CNTN3: variants seen among roughly 807,000 people sequenced by gnomAD.
CNTN3 encodes contactin 3, also known as contactin-3.
In CNTN3, 60 loss-of-function variants were observed where a neutral mutation model predicts 119.1. The ratio of observed to expected loss-of-function variants is 0.50; its 90% CI spans 0.41 to 0.62. The LOEUF (loss-of-function observed/expected upper bound fraction) is 0.62, where lower values mean the gene tolerates loss of function less well. Ranked by LOEUF, CNTN3 falls within the 20% of genes least tolerant of loss-of-function variation. The pLI is 0.00. For missense variants in CNTN3, 1,101 were observed against 1,242.4 expected (o/e 0.89, Z 1.71); for synonymous variants, 450 against 438.7 (o/e 1.03, Z -0.32).
intron 5 of CNTN3, 77 bp from the exon 6 acceptor site, chr3:74,371,476 CA>C (rs1473874293): frequency 9.5e-7 from 1 of 1,052,226 alleles, no homozygotes; most frequent in Non-Finnish European, 1.4e-6. Context: ...TGTATCTATA[CA>C]AACATCAACT....
At chr3:74,377,891 A>C (rs1398374870) in intron 5 of CNTN3, among the ~76,000 whole-genome samples, 1 of 152,222 alleles carries the variant, frequency 6.6e-6, no homozygotes, top group African/African-American at 2.4e-5. Context: ...TAATACATAT[A>C]ATACTGACAT....
intron 1 of CNTN3, among the ~76,000 whole-genome samples, chr3:74,532,821 G>A (rs1214307882): frequency 6.6e-6 from 1 of 151,926 alleles, no homozygotes; most frequent in African/African-American, 2.4e-5. Flanking sequence ...AGATAAGGGG[G>A]GACTACTGTA....
chr3:74,416,667 G>C (rs1289155548), intron 5 of CNTN3, among the ~76,000 whole-genome samples: 1 of 152,056 alleles, frequency 6.6e-6, no homozygotes, highest in African/African-American at 2.4e-5. Flanking sequence ...TATAATGTTT[G>C]TGAGCACAGG....
At chr3:74,584,677 CTA>C (rs1704565347) in intron 1 of CNTN3, among the ~76,000 whole-genome samples, 1 of 152,170 alleles carries the variant, frequency 6.6e-6, no homozygotes, top group African/African-American at 2.4e-5. Flanking sequence ...CAAAAACAGA[CTA>C]AGACATCTTG....
chr3:74,371,127 C>G lies in CNTN3; in HGVS notation c.658+69G>C, dbSNP rs1704327566. Reference sequence around the variant, plus strand: ...CTTCTAGATGTACTTTTTACATTTTCCCAATTGCTTTTGTTTGCAGCCTCA... The same window carrying G: ...CTTCTAGATGTACTTTTTACATTTTGCCAATTGCTTTTGTTTGCAGCCTCA... On this transcript the variant is annotated intron_variant, in intron 6 of 22. Coordinates refer to ENST00000263665, the MANE Select transcript of CNTN3 (RefSeq NM_020872.3). 7 of 1,104,822 alleles carry G rather than the reference C, an allele frequency of 6.3e-6. 1 individual carries two copies. In the Middle Eastern group the frequency reaches 1.4e-3, roughly 221 times the overall value. 68.4% of individuals were successfully genotyped at this position (1,104,822 alleles called of 1,614,324 possible).
At chr3:74,336,363 A>C (rs1371063002) in intron 12 of CNTN3, among the ~76,000 whole-genome samples, 168 bp downstream of exon 12, 1 of 152,164 alleles carries the variant, frequency 6.6e-6, no homozygotes, top group African/African-American at 2.4e-5. Context: ...TGCTGTGCTA[A>C]GGAAATATTG....
At chr3:74,426,205 C>G (rs571387328) in intron 4 of CNTN3, among the ~76,000 whole-genome samples, 1 of 151,868 alleles carries the variant, frequency 6.6e-6, no homozygotes, top group African/African-American at 2.4e-5. Context: ...TCTTTAAACT[C>G]TGACTTATAA....
intron 20 of CNTN3, among the ~76,000 whole-genome samples, chr3:74,276,599 C>T (rs895041426): frequency 2.0e-5 from 3 of 150,522 alleles, no homozygotes; most frequent in Non-Finnish European, 1.5e-5. Flanking sequence ...AATACTGACA[C>T]AACCTATCAA....
At chr3:74,450,102 A>G (rs73841850) in intron 4 of CNTN3, among the ~76,000 whole-genome samples, 1,830 of 152,232 alleles carry the variant, frequency 0.012, 37 homozygotes, top group African/African-American at 0.042. Flanking sequence ...TGAAAATGAA[A>G]TGAATTAAGT....
At chr3:74,415,443 G>A (rs560143912) in intron 5 of CNTN3, among the ~76,000 whole-genome samples, 3 of 152,132 alleles carry the variant, frequency 2.0e-5, no homozygotes, top group Non-Finnish European at 2.9e-5. Flanking sequence ...AAGGGATGCC[G>A]TGACAGCCCC....
chr3:74,395,149 C>T (rs926998333), intron 5 of CNTN3, among the ~76,000 whole-genome samples: 1 of 152,016 alleles, frequency 6.6e-6, no homozygotes, highest in Admixed American at 6.6e-5. Flanking sequence ...TCCTACTAGA[C>T]CCTCAGCATC....
At chr3:74,320,668 A>G (rs1344014757) in intron 13 of CNTN3, among the ~76,000 whole-genome samples, 2 of 152,206 alleles carry the variant, frequency 1.3e-5, no homozygotes, top group African/African-American at 4.8e-5. Flanking sequence ...TCAAAAAAGT[A>G]AACAAAAACA....
chr3:74,303,120 C>CTT (rs1702491911), intron 13 of CNTN3, among the ~76,000 whole-genome samples: 1 of 152,174 alleles, frequency 6.6e-6, no homozygotes, highest in African/African-American at 2.4e-5. Flanking sequence ...CAGGGTGACA[C>CTT]TTCTTTTTAT....
intron 18 of CNTN3, among the ~76,000 whole-genome samples, chr3:74,297,341 T>C (rs1057434498): frequency 3.3e-5 from 5 of 151,960 alleles, no homozygotes; most frequent in African/African-American, 1.2e-4. Flanking sequence ...TCTCAATCAA[T>C]TTTGGGATTT....
At chr3:74,567,922 C>T (rs762813914) in intron 1 of CNTN3, among the ~76,000 whole-genome samples, 12 of 152,082 alleles carry the variant, frequency 7.9e-5, no homozygotes, top group Non-Finnish European at 1.6e-4. Context: ...GGAAAATGTG[C>T]GTTAGCAAGA....
At position 74,410,594 on chromosome 3, in the gene CNTN3, G is replaced by T. The variant is rs147046111; in HGVS notation, c.454+14251C>A. 3.2e-3 allele frequency among the ~76,000 whole-genome samples: 491 copies of T among 152,256 alleles called. 1 individual carries two copies. The highest frequency in any genetic ancestry group is 0.011 in the African/African-American group (440 of 41,552). On this transcript the variant is annotated intron_variant, in intron 5 of 22. Transcript: ENST00000263665. ...TAAGTCTACATGTATCACCACTTCA[G>T]ATGTCATTTCATGTCTCAAGTGGAA...
In CNTN3 at chr3:74,614,546, C is replaced by A. The variant is rs1019855731; in HGVS notation, c.-236G>T. On this transcript the variant is annotated 5_prime_UTR_variant, in exon 1 of 23. Transcript: ENST00000263665. ...GCCGCCGCCGCCGCAGGCGCAGCAC[C>A]CTCGTCCGCACGGTTCCCGGCCCAG... 6.8e-6 allele frequency among the ~76,000 whole-genome samples: 1 copy of A among 147,964 alleles called. No homozygotes were observed. The highest frequency in any genetic ancestry group is 2.4e-5 in the African/African-American group (1 of 40,976).
intron 1 of CNTN3, among the ~76,000 whole-genome samples, chr3:74,604,770 T>A (rs1704965375): frequency 6.6e-6 from 1 of 152,014 alleles, no homozygotes; most frequent in African/African-American, 2.4e-5. Context: ...AAAATATAAC[T>A]ACCATAGGAA....
chr3:74,502,855 T>C (rs190300135), intron 2 of CNTN3, among the ~76,000 whole-genome samples: 1 of 152,302 alleles, frequency 6.6e-6, no homozygotes, highest in East Asian at 1.9e-4. Flanking sequence ...GAGATCTTTC[T>C]ACATAAACAC....
Sources: gnomAD v4.1 joint callset for allele counts (sites outside exome capture counted in the v4.1 genomes callset) on GRCh38, gnomAD v4.1.1 for gene constraint, MANE v1.5 for transcripts, NCBI Gene and HGNC (gene_info 2026-07-23, HGNC 2026-07-21) for gene names.